ZNF214: variants seen among roughly 807,000 people sequenced by gnomAD.
The protein encoded by ZNF214 is BWSCR2-associated zinc finger protein 1.
A neutral mutation model predicts 53.9 loss-of-function variants in ZNF214; 43 were observed. The ratio of observed to expected loss-of-function variants is 0.80; its 90% CI spans 0.63 to 1.03. ZNF214 has a LOEUF of 1.03. ZNF214 is among the 50% of genes least tolerant of loss of function. The probability of loss-of-function intolerance (pLI) is 0.00; values close to 1 mark genes in which losing one functional copy is unlikely to be tolerated. For missense variants in ZNF214, 724 were observed against 719.1 expected (o/e 1.01, Z -0.08); for synonymous variants, 217 against 229.5 (o/e 0.95, Z 0.49).
At chr11:7,014,819 AC>A (rs146431844) in intron 1 of ZNF214, among the ~76,000 whole-genome samples, 29,275 of 123,642 alleles carry the variant, frequency 0.24, 4,219 homozygotes, top group East Asian at 0.3. Flanking sequence ...AAAAAAAAAA[AC>A]AAAAAAAAAA....
In ZNF214 at chr11:6,998,460, C is replaced by A. The variant is rs185526047; in HGVS notation, c.*1402G>T. ...CCTCTGATATTCATATCTGTTCTTTCTTAGTTTCCATCTCATTATCCTTTT... is the reference window on the plus strand; with the variant it reads ...CCTCTGATATTCATATCTGTTCTTTATTAGTTTCCATCTCATTATCCTTTT... On this transcript the variant is annotated 3_prime_UTR_variant, in exon 3 of 3. Transcript: ENST00000278314. 2.0e-5 allele frequency among the ~76,000 whole-genome samples: 3 copies of A among 152,066 alleles called. No individual in the cohort carries two copies. Among genetic ancestry groups the A allele is most frequent in the East Asian group, 3.9e-4 (2 of 5,182 alleles).
chr11:7,008,515 G>A (rs574366629), intron 1 of ZNF214, among the ~76,000 whole-genome samples: 1 of 112,256 alleles, frequency 8.9e-6, no homozygotes, highest in Admixed American at 9.3e-5. Flanking sequence ...TATTTACCTT[G>A]AGAACCAGAA....
chr11:7,000,695 A>C lies in ZNF214; in HGVS notation c.988T>G (p.Phe330Val), dbSNP rs778682714. 8.7e-6 allele frequency: 14 copies of C among 1,603,580 alleles called. 1 individual carries two copies. The highest frequency in any genetic ancestry group is 6.7e-5 in the South Asian group (6 of 89,846). Residue 330 changes from phenylalanine to valine, a missense_variant, in exon 3 of 3, where the codon TTC becomes GTC. Coordinates refer to ENST00000278314, the MANE Select transcript of ZNF214 (RefSeq NM_013249.4). Reference protein sequence around the residue: ...NHQRVHTEEKFYKIECDKDLS... With the variant: ...NHQRVHTEEKVYKIECDKDLS... ...TCTTTATCACACTCAATTTTATAGA[A>C]TTTCTCTTCTGTGTGGACTCTTTGA...
In ZNF214 at chr11:7,000,849, A is replaced by C; in HGVS notation, c.834T>G (p.Asp278Glu). The C allele has an allele frequency of 6.2e-7, 1 of 1,612,748 alleles. No individual in the cohort carries two copies. Among genetic ancestry groups the C allele is most frequent in the Non-Finnish European group, 8.5e-7 (1 of 1,179,412 alleles). ...TCTGATGAAAGTTACCGTCAACTTC[A>C]TCACATCCGTACAGCTTCTTACCTA... is the stretch of plus-strand genomic sequence containing the variant. ...NHIGKKLYGC[D>E]EVDGNFHQSS... Residue 278 changes from aspartate (D) to glutamate (E), a missense_variant, in exon 3 of 3, where the codon GAT becomes GAG. By Grantham distance (45) the Asp-to-Glu change is conservative. Transcript: ENST00000278314.
At chr11:7,011,483 T>C (rs1472581178) in intron 1 of ZNF214, among the ~76,000 whole-genome samples, 2 of 152,048 alleles carry the variant, frequency 1.3e-5, no homozygotes, top group African/African-American at 2.4e-5. Context: ...TCAACACCGA[T>C]GTATTCTCTT....
In ZNF214 at chr11:7,002,856, C is replaced by T; in HGVS notation, c.-20-1G>A. 1 of 1,570,300 alleles carries T rather than the reference C, an allele frequency of 6.4e-7. No homozygotes were observed. The highest frequency in any genetic ancestry group is 8.6e-7 in the Non-Finnish European group (1 of 1,163,578). On this transcript the variant is annotated splice_acceptor_variant, in intron 1 of 2. Transcript: ENST00000278314. LOFTEE classifies it low-confidence loss of function (5UTR_SPLICE). The stretch of plus-strand genomic sequence containing the variant: ...GCCATCTGGTCAAAGATCAGGCTTT[C>T]TAGGAAAAAGAAATCTAAGTGAGAA...
chr11:6,999,947 T>C lies in ZNF214; in HGVS notation c.1736A>G (p.Glu579Gly). Reference sequence around the variant, plus strand: ...ATATTCACGGCATTTGTAAGGTTTCTCTCCTGCATGGACTCTTTGATGAAT... The same window carrying C: ...ATATTCACGGCATTTGTAAGGTTTCCCTCCTGCATGGACTCTTTGATGAAT... The part of the protein sequence containing the change: ...LRIHQRVHAG[E>G]KPYKCREYYK... The change falls in exon 3 of 3, where the codon GAG becomes GGG. Residue 579 changes from glutamate (E) to glycine (G), a missense_variant. Glu to Gly is a moderately conservative substitution (Grantham distance 98). Coordinates refer to ENST00000278314, the MANE Select transcript of ZNF214 (RefSeq NM_013249.4). 6.2e-7 allele frequency: 1 copy of C among 1,613,090 alleles called. No homozygotes were observed.
intron 1 of ZNF214, among the ~76,000 whole-genome samples, chr11:7,015,608 CAAA>C: frequency 6.6e-6 from 1 of 151,600 alleles, no homozygotes; most frequent in African/African-American, 2.4e-5. Flanking sequence ...ACAACAACAA[CAAA>C]TAGGCTTGAA....
Position 7,000,063 on chromosome 11 carries a change from A to C in ZNF214, c.1620T>G (p.Asn540Lys), listed in dbSNP as rs1484508196. Reference sequence around the variant, plus strand: ...TATGGACCCTCTGATGAATGTGAAGATTAGAACTGTGACTAAAACCCTTTC... The same window carrying C: ...TATGGACCCTCTGATGAATGTGAAGCTTAGAACTGTGACTAAAACCCTTTC... Reference protein sequence around the residue: ...DCGKGFSHSSNLHIHQRVHTG... With the variant: ...DCGKGFSHSSKLHIHQRVHTG... Residue 540 changes from asparagine to lysine, a missense_variant, in exon 3 of 3, where the codon AAT becomes AAG. Transcript: ENST00000278314. The C allele has an allele frequency of 6.2e-7, 1 of 1,613,314 alleles. No homozygotes were observed. Among genetic ancestry groups the C allele is most frequent in the East Asian group, 2.2e-5 (1 of 44,846 alleles).
At chr11:7,007,092 G>A (rs1381166166) in intron 1 of ZNF214, among the ~76,000 whole-genome samples, 1 of 151,664 alleles carries the variant, frequency 6.6e-6, no homozygotes, top group Admixed American at 6.6e-5. Flanking sequence ...AACATGAGGG[G>A]AGAAAGAGAC....
Position 6,999,891 on chromosome 11 carries a change from G to A in ZNF214, c.1792C>T (p.His598Tyr). The change falls in exon 3 of 3, where the codon CAC (histidine) becomes TAC (tyrosine). Residue 598 changes from histidine (H) to tyrosine (Y), a missense_variant. His to Tyr is a moderately conservative substitution (Grantham distance 83, BLOSUM62 2). Transcript: ENST00000278314. The part of the protein sequence containing the change: ...YKGFDHNSHL[H>Y]NNHRRGNL ...AAGTTTCCTCTTCTATGATTATTGT[G>A]AAGATGTGAATTATGATCAAATCCC... 1.9e-6 allele frequency: 3 copies of A among 1,610,068 alleles called. No homozygotes were observed. The highest frequency in any genetic ancestry group is 2.5e-6 in the Non-Finnish European group (3 of 1,177,918).
At chr11:7,014,175 T>C (rs942503029) in intron 1 of ZNF214, among the ~76,000 whole-genome samples, 2 of 152,182 alleles carry the variant, frequency 1.3e-5, no homozygotes, top group Non-Finnish European at 2.9e-5. Context: ...ACTGCATATC[T>C]GAGAGATCCA....
At chr11:7,012,943 T>G (rs1167965724) in intron 1 of ZNF214, among the ~76,000 whole-genome samples, 1 of 152,190 alleles carries the variant, frequency 6.6e-6, no homozygotes, top group Non-Finnish European at 1.5e-5. Context: ...AGCTCTGGTT[T>G]GGATCTCACA....
chr11:7,020,006 G>C (rs946700669), intron 1 of ZNF214, 67 bp downstream of exon 1: 8 of 152,324 alleles, frequency 5.3e-5, no homozygotes, highest in African/African-American at 1.9e-4. Flanking sequence ...CCAGAACTCT[G>C]CCCCGGCACC....
rs776189607 is a variant in ZNF214, at chr11:7,001,257, T to C, written c.426A>G (p.Leu142=). The C allele has an allele frequency of 1.2e-6, 2 of 1,613,332 alleles. No homozygotes were observed. The highest frequency in any genetic ancestry group is 1.7e-6 in the Non-Finnish European group (2 of 1,179,544). Residue 142 remains leucine, a synonymous_variant, in exon 3 of 3, where the codon TTA becomes TTG. Transcript: ENST00000278314. ...CATAGTCTTGAGTGGTTTTTGTTTC[T>C]AAGGACTGCCAAGGCATAAAATTTT... The part of the protein sequence containing the change: ...KYKNFMPWQS[L]ETKTTQDYGR...
intron 1 of ZNF214, among the ~76,000 whole-genome samples, chr11:7,012,565 G>C (rs1409755499): frequency 6.6e-6 from 1 of 152,022 alleles, no homozygotes; most frequent in East Asian, 1.9e-4. Flanking sequence ...GTTAATCAAA[G>C]GGGGGAAAAG....
chr11:7,009,812 A>G (rs1851563048), intron 1 of ZNF214, among the ~76,000 whole-genome samples: 1 of 124,916 alleles, frequency 8.0e-6, no homozygotes, highest in African/African-American at 2.7e-5. Flanking sequence ...ACAAGCATAT[A>G]AAAAATGCTC....
rs1002737680 is a variant in ZNF214, at chr11:6,999,219, C to T, written c.*643G>A. On this transcript the variant is annotated 3_prime_UTR_variant, in exon 3 of 3. Coordinates refer to ENST00000278314, the MANE Select transcript of ZNF214 (RefSeq NM_013249.4). ...GAAGGGATGAGTGCACTGTAGTCAC[C>T]TCAAAGTGAAGCACCCCTGCAACAG... 5 of 152,108 alleles carry T rather than the reference C, an allele frequency of 3.3e-5. No individual in the cohort carries two copies. Among genetic ancestry groups the T allele is most frequent in the African/African-American group, 1.2e-4 (5 of 41,400 alleles). 9.4% of individuals were successfully genotyped at this position (152,108 alleles called of 1,614,324 possible). A position where few individuals can be genotyped will look rare whatever the true frequency, so the allele number is the denominator to read the frequency against.
At chr11:7,018,880 T>C (rs1434018914) in intron 1 of ZNF214, among the ~76,000 whole-genome samples, 3 of 152,120 alleles carry the variant, frequency 2.0e-5, no homozygotes, top group Admixed American at 6.5e-5. Flanking sequence ...ACTGAATGAA[T>C]GAATGAGTAA....
Sources: gnomAD v4.1 joint callset for allele counts (sites outside exome capture counted in the v4.1 genomes callset) on GRCh38, gnomAD v4.1.1 for gene constraint, MANE v1.5 for transcripts, NCBI Gene and HGNC (gene_info 2026-07-23, HGNC 2026-07-21) for gene names.